SCN8A: variants seen among roughly 807,000 people sequenced by gnomAD.
SCN8A encodes sodium voltage-gated channel alpha subunit 8, also known as sodium channel protein type 8 subunit alpha.
In SCN8A, 30 loss-of-function variants were observed where a neutral mutation model predicts 184.1. That is an observed-to-expected ratio of 0.16 (90% confidence interval 0.12 to 0.22). The LOEUF (loss-of-function observed/expected upper bound fraction) is 0.22, where lower values mean the gene tolerates loss of function less well. SCN8A is among the 10% of genes least tolerant of loss of function. The pLI, the probability that SCN8A is intolerant of heterozygous loss-of-function variation, is 1.00. For missense variants in SCN8A, 1,057 were observed against 2,498.9 expected (o/e 0.42, Z 12.30); for synonymous variants, 852 against 907.0 (o/e 0.94, Z 1.09).
chr12:51,733,450 G>C (rs1303479325), intron 12 of SCN8A, among the ~76,000 whole-genome samples: 1 of 152,074 alleles, frequency 6.6e-6, no homozygotes, highest in South Asian at 2.1e-4. Flanking sequence ...GTTGAACTTG[G>C]TTTGCTAGTA....
At position 51,721,813 on chromosome 12, in the gene SCN8A, C is replaced by T. The variant is rs749983172; in HGVS notation, c.1903C>T (p.Arg635Cys). 6.8e-6 allele frequency: 11 copies of T among 1,607,848 alleles called. No homozygotes were observed. Residue 635 changes from arginine to cysteine, a missense_variant, in exon 12 of 27, where the codon CGC becomes TGC. Coordinates refer to ENST00000627620, the MANE Select transcript of SCN8A (RefSeq NM_001330260.2). ...CTCGCGCATCTTCCCCAGCCTGCGGCGCAGCGTGAAGCGCAACAGCACGGT... is the reference window on the plus strand; with the variant it reads ...CTCGCGCATCTTCCCCAGCCTGCGGTGCAGCGTGAAGCGCAACAGCACGGT... ...RSSRIFPSLR[R>C]SVKRNSTVDC... is the part of the protein sequence containing the mutation.
At chr12:51,677,056 GTTTTA>G (rs58540656) in intron 2 of SCN8A, among the ~76,000 whole-genome samples, 10,149 of 132,976 alleles carry the variant, frequency 0.076, 429 homozygotes, top group East Asian at 0.11. Context: ...TTATTGTTTT[GTTTTA>G]TTTTATTTTA....
intron 15 of SCN8A, among the ~76,000 whole-genome samples, chr12:51,765,439 G>C (rs1241997412): frequency 6.6e-6 from 1 of 151,966 alleles, no homozygotes; most frequent in African/African-American, 2.4e-5. Context: ...AGTATTCCTG[G>C]CTTCTAGTTA....
intron 1 of SCN8A, among the ~76,000 whole-genome samples, chr12:51,619,212 G>A (rs79418340): frequency 6.6e-6 from 1 of 152,082 alleles, no homozygotes; most frequent in Non-Finnish European, 1.5e-5. Context: ...TCCAGAGAAG[G>A]CCTCGTTCTT....
Position 51,772,708 on chromosome 12 carries a change from C to T in SCN8A, c.3646-1481C>T, listed in dbSNP as rs7303067. On this transcript the variant is annotated intron_variant, in intron 19 of 26. Transcript: ENST00000627620. ...CTGTTGATGAAAGTGGAGCCGGGCA[C>T]GGTAGCTCACACCTGTAATCCCAGC... Among the ~76,000 whole-genome samples, 1,209 of 151,230 alleles carry T rather than the reference C, an allele frequency of 8.0e-3. 10 individuals carry two copies. The highest frequency in any genetic ancestry group is 0.027 in the African/African-American group (1,122 of 41,244).
chr12:51,620,210 A>G (rs573584685), intron 1 of SCN8A, among the ~76,000 whole-genome samples: 2 of 152,312 alleles, frequency 1.3e-5, no homozygotes, highest in South Asian at 4.1e-4. Flanking sequence ...CATTTTCTTA[A>G]TAACAATCAT....
At chr12:51,662,687 G>T in intron 1 of SCN8A, 77 bp from the exon 2 acceptor site, 1 of 856,328 alleles carries the variant, frequency 1.2e-6, no homozygotes, top group South Asian at 1.7e-5. Flanking sequence ...AATTAAGGTT[G>T]AGAGTGAGAT....
At chr12:51,783,349 C>G (rs1348960114) in intron 21 of SCN8A, among the ~76,000 whole-genome samples, 1 of 152,016 alleles carries the variant, frequency 6.6e-6, no homozygotes, top group East Asian at 1.9e-4. Context: ...TATATGCCAA[C>G]ACTTGAGAGA....
At chr12:51,651,232 T>G in intron 1 of SCN8A, among the ~76,000 whole-genome samples, 1 of 152,088 alleles carries the variant, frequency 6.6e-6, no homozygotes, top group East Asian at 1.9e-4. Flanking sequence ...TTGGGGCCAG[T>G]TTATGGCCAG....
intron 19 of SCN8A, 40 bp from the exon 20 acceptor site, chr12:51,774,149 C>G (rs1453178469): frequency 6.2e-7 from 1 of 1,605,860 alleles, no homozygotes; most frequent in African/African-American, 1.3e-5. Flanking sequence ...GCCTGCTTGC[C>G]TTTAGGCACT....
intron 26 of SCN8A, among the ~76,000 whole-genome samples, chr12:51,804,658 T>C (rs1179716771): frequency 2.0e-5 from 3 of 152,224 alleles, no homozygotes; most frequent in Non-Finnish European, 2.9e-5. Context: ...GTATTTTTAG[T>C]AGAGACTGGG....
At chr12:51,737,678 A>T (rs547259608) in intron 12 of SCN8A, among the ~76,000 whole-genome samples, 2 of 152,180 alleles carry the variant, frequency 1.3e-5, no homozygotes, top group Non-Finnish European at 2.9e-5. Flanking sequence ...AGGAGCTATA[A>T]TTAAACCAGC....
At chr12:51,688,728 T>C (rs761200263) in intron 5 of SCN8A, 3 of 1,531,794 alleles carry the variant, frequency 2.0e-6, no homozygotes, top group Admixed American at 3.3e-5. Flanking sequence ...AGTGGTACCA[T>C]TACAAGTTAA....
At chr12:51,739,381 A>G (rs542449300) in intron 12 of SCN8A, among the ~76,000 whole-genome samples, 56 of 152,230 alleles carry the variant, frequency 3.7e-4, no homozygotes, top group African/African-American at 1.3e-3. Flanking sequence ...TTTTTGCCCA[A>G]TGTCCTCCGG....
intron 1 of SCN8A, among the ~76,000 whole-genome samples, chr12:51,629,582 C>CAAAA (rs71092711): frequency 4.6e-5 from 6 of 129,556 alleles, no homozygotes; most frequent in Non-Finnish European, 6.4e-5. Flanking sequence ...ATCAGTTTTG[C>CAAAA]AAAAAAAAAA....
At chr12:51,738,905 TGGTGGGGGACAGACATTGTACAGG>T (rs1183986330) in intron 12 of SCN8A, among the ~76,000 whole-genome samples, 3 of 152,072 alleles carry the variant, frequency 2.0e-5, no homozygotes, top group African/African-American at 7.2e-5. Flanking sequence ...CTACCGGCTG[TGGTGGGGGACAGACATTGTACAGG>T]GGTGAGGGAA....
chr12:51,642,080 G>A (rs1457882849), intron 1 of SCN8A, among the ~76,000 whole-genome samples: 2 of 152,048 alleles, frequency 1.3e-5, no homozygotes, highest in Non-Finnish European at 2.9e-5. Flanking sequence ...GCTCTGCAGC[G>A]TCAGCCACAT....
At chr12:51,757,701 T>A (rs1380087843) in intron 14 of SCN8A, among the ~76,000 whole-genome samples, 2 of 152,154 alleles carry the variant, frequency 1.3e-5, no homozygotes, top group Non-Finnish European at 2.9e-5. Flanking sequence ...GTGAGAGGAT[T>A]ACTTGAGCCT....
intron 6 of SCN8A, chr12:51,689,892 T>A (rs1359198305): frequency 6.6e-6 from 1 of 152,224 alleles, no homozygotes; most frequent in Non-Finnish European, 1.5e-5. Context: ...CTTTAAAATT[T>A]GTGCCTTTTT....
Sources: gnomAD v4.1 joint callset for allele counts (sites outside exome capture counted in the v4.1 genomes callset) on GRCh38, gnomAD v4.1.1 for gene constraint, MANE v1.5 for transcripts, NCBI Gene and HGNC (gene_info 2026-07-23, HGNC 2026-07-21) for gene names.